The following EAPP variants were observed in gnomAD, a reference collection of about 807,000 sequenced individuals.
The protein encoded by EAPP is E2F associated phosphoprotein, also known as E2F-associated phosphoprotein.
Under a neutral mutation model 34.3 loss-of-function variants are expected in EAPP, and 38 were observed. The observed-to-expected ratio is 1.11, with a 90% CI of 0.85 to 1.45. The LOEUF is 1.45. EAPP is among the 40% of genes most tolerant of loss of function. The probability of loss-of-function intolerance (pLI) is 0.00; values close to 1 mark genes in which losing one functional copy is unlikely to be tolerated. For synonymous variants in EAPP, 113 were observed against 117.6 expected, an observed-to-expected ratio of 0.96 and a Z score of 0.25; for missense variants, 338 against 343.7, an observed-to-expected ratio of 0.98 and a Z score of 0.13.
chr14:34,535,600 T>C (rs996493590), intron 2 of EAPP, among the ~76,000 whole-genome samples: 2 of 151,246 alleles, frequency 1.3e-5, no homozygotes, highest in African/African-American at 4.9e-5. Flanking sequence ...GCCCGGCTAA[T>C]TTTTTGTATT....
chr14:34,519,908 G>GA (rs1485676970), intron 5 of EAPP, among the ~76,000 whole-genome samples: 1 of 138,184 alleles, frequency 7.2e-6, no homozygotes, highest in African/African-American at 2.8e-5. Flanking sequence ...TTTTGAAACA[G>GA]AGTTTCGCCC....
chr14:34,519,463 TG>T (rs1879842080), intron 5 of EAPP, among the ~76,000 whole-genome samples: 1 of 150,602 alleles, frequency 6.6e-6, no homozygotes, highest in Admixed American at 6.7e-5. Context: ...TGAACCTGGG[TG>T]GTGGAGGTTG....
intron 1 of EAPP, among the ~76,000 whole-genome samples, chr14:34,536,747 CTT>C (rs1357919210): frequency 6.6e-6 from 1 of 151,818 alleles, no homozygotes; most frequent in Non-Finnish European, 1.5e-5. Context: ...GAGTCTCGCT[CTT>C]GTCGCCCAGG....
chr14:34,518,892 T>G (rs1439871174), intron 5 of EAPP, among the ~76,000 whole-genome samples: 3 of 152,158 alleles, frequency 2.0e-5, no homozygotes, highest in Admixed American at 2.0e-4. Flanking sequence ...AGGCAGCATA[T>G]AGTTGAGTCT....
chr14:34,530,437 G>A (rs1302616241), intron 3 of EAPP, among the ~76,000 whole-genome samples: 1 of 152,140 alleles, frequency 6.6e-6, no homozygotes, highest in African/African-American at 2.4e-5. Context: ...TGAGCTGGGA[G>A]GATGGCTTGA....
intron 1 of EAPP, among the ~76,000 whole-genome samples, chr14:34,537,489 T>G (rs1397232567): frequency 6.6e-6 from 1 of 152,236 alleles, no homozygotes; most frequent in Non-Finnish European, 1.5e-5. Context: ...TCATACATCA[T>G]GGACCCTAGA....
chr14:34,517,185 G>A (rs539931983), intron 5 of EAPP, among the ~76,000 whole-genome samples: 11 of 151,176 alleles, frequency 7.3e-5, no homozygotes, highest in South Asian at 2.1e-4. Context: ...TGATCTGCCC[G>A]CCTCGGCCTC....
intron 5 of EAPP, 44 bp downstream of exon 5, chr14:34,524,653 A>ATGTATG: frequency 1.1e-6 from 1 of 874,608 alleles, no homozygotes; most frequent in Non-Finnish European, 1.7e-6. Context: ...TAAACAAAAT[A>ATGTATG]TGTATGTGTG....
intron 5 of EAPP, among the ~76,000 whole-genome samples, chr14:34,518,130 T>C (rs1227522254): frequency 1.3e-5 from 2 of 151,912 alleles, no homozygotes; most frequent in African/African-American, 4.8e-5. Context: ...TTCCTTGAGG[T>C]GTATCATTAG....
chr14:34,525,262 G>A (rs774189372), intron 4 of EAPP, among the ~76,000 whole-genome samples: 11 of 152,150 alleles, frequency 7.2e-5, no homozygotes, highest in Non-Finnish European at 5.9e-5. Context: ...CTTAAGTCTG[G>A]GTTGGACACA....
intron 1 of EAPP, among the ~76,000 whole-genome samples, chr14:34,538,880 C>G (rs1880562874): frequency 6.6e-6 from 1 of 152,156 alleles, no homozygotes; most frequent in Non-Finnish European, 1.5e-5. Context: ...TAAAGCCCAC[C>G]CTTCTGGAAA....
intron 5 of EAPP, among the ~76,000 whole-genome samples, chr14:34,519,910 G>A (rs1240630139): frequency 2.1e-5 from 3 of 144,132 alleles, no homozygotes; most frequent in Non-Finnish European, 4.5e-5. Context: ...TTGAAACAGA[G>A]TTTCGCCCTT....
At chr14:34,522,331 T>A (rs1879945440) in intron 5 of EAPP, among the ~76,000 whole-genome samples, 1 of 152,174 alleles carries the variant, frequency 6.6e-6, no homozygotes, top group South Asian at 2.1e-4. Context: ...GTCTTGGAGA[T>A]CACTCAGTTT....
At chr14:34,516,990 T>C (rs1879754782) in intron 5 of EAPP, among the ~76,000 whole-genome samples, 1 of 149,292 alleles carries the variant, frequency 6.7e-6, no homozygotes, top group Non-Finnish European at 1.5e-5. Flanking sequence ...CAGGCTGGAG[T>C]GCAGTGGCGC....
In EAPP at chr14:34,524,681, G is replaced by C. The variant is rs1880037572; in HGVS notation, c.581+16C>G. 6.9e-7 allele frequency: 1 copy of C among 1,451,268 alleles called. No homozygotes were observed. The highest frequency in any genetic ancestry group is 9.7e-7 in the Non-Finnish European group (1 of 1,031,680). The allele number at this position is 1,451,268 out of a possible 1,614,324, so 89.9% of individuals were successfully genotyped here. A position where few individuals can be genotyped will look rare whatever the true frequency, so the allele number is the denominator to read the frequency against. ...TATGTGTGTGTGTGTGTGTGTGTGTGTCCTTCATCCATTACCTTTGGCAAT... is the reference window on the plus strand; with the variant it reads ...TATGTGTGTGTGTGTGTGTGTGTGTCTCCTTCATCCATTACCTTTGGCAAT... On this transcript the variant is annotated intron_variant, in intron 5 of 5. Transcript: ENST00000250454.
rs368185970 is a variant in EAPP, at chr14:34,539,633, G to A, written c.-5C>T. On this transcript the variant is annotated 5_prime_UTR_variant, in exon 1 of 6. Transcript: ENST00000250454. ...GTCATCCGGAAGCCGGTTCATGGTG[G>A]CCTGCAGCGGCCTACACCGTCCACA... The A allele has an allele frequency of 4.0e-5, 63 of 1,562,124 alleles. No individual in the cohort carries two copies. The highest frequency in any genetic ancestry group is 2.6e-4 in the African/African-American group (19 of 73,642).
At chr14:34,528,137 G>A (rs1057270093) in intron 4 of EAPP, among the ~76,000 whole-genome samples, 1 of 150,912 alleles carries the variant, frequency 6.6e-6, no homozygotes, top group Non-Finnish European at 1.5e-5. Flanking sequence ...CACCTCCTGG[G>A]ATCAAGCGAT....
At chr14:34,517,796 A>G (rs1455562666) in intron 5 of EAPP, among the ~76,000 whole-genome samples, 1 of 149,562 alleles carries the variant, frequency 6.7e-6, no homozygotes, top group African/African-American at 2.5e-5. Context: ...TTTTTTTGAG[A>G]TGGAGTCTCG....
At chr14:34,529,174 G>T (rs1001704576) in intron 4 of EAPP, among the ~76,000 whole-genome samples, 184 bp downstream of exon 4, 1 of 152,016 alleles carries the variant, frequency 6.6e-6, no homozygotes, top group African/African-American at 2.4e-5. Context: ...TTAAAAAAAA[G>T]TCTCACTAAA....
Sources: gnomAD v4.1 joint callset for allele counts (sites outside exome capture counted in the v4.1 genomes callset) on GRCh38, gnomAD v4.1.1 for gene constraint, MANE v1.5 for transcripts, NCBI Gene and HGNC (gene_info 2026-07-23, HGNC 2026-07-21) for gene names.